DOK7: variants seen among roughly 807,000 people sequenced by gnomAD.
The protein encoded by DOK7 is protein Dok-7.
DOK7 carries 32 observed loss-of-function variants against 30.7 expected under a neutral mutation model. The ratio of observed to expected loss-of-function variants is 1.04; its 90% CI spans 0.79 to 1.40. The LOEUF (loss-of-function observed/expected upper bound fraction) is 1.40. DOK7 is among the 40% of genes most tolerant of loss of function. The pLI, the probability that DOK7 is intolerant of heterozygous loss-of-function variation, is 0.00. For missense variants in DOK7, 1,007 were observed against 699.2 expected (o/e 1.44, Z -4.97); for synonymous variants, 447 against 324.1 (o/e 1.38, Z -4.07).
At position 3,494,312 on chromosome 4, in the gene DOK7, T is replaced by G; in HGVS notation, c.*811T>G. On this transcript the variant is annotated 3_prime_UTR_variant, in exon 7 of 7. Transcript: ENST00000340083. ...AGCCCCTGCGTCGGAGGTGGGGCTGTGTTGGGCCCATTGTCCCCCGCCCTG... is the reference window on the plus strand; with the variant it reads ...AGCCCCTGCGTCGGAGGTGGGGCTGGGTTGGGCCCATTGTCCCCCGCCCTG... The G allele has an allele frequency of 8.1e-6, 8 of 985,772 alleles. No individual in the cohort carries two copies. The highest frequency in any genetic ancestry group is 9.6e-6 in the Non-Finnish European group (8 of 830,206). 61.1% of individuals were successfully genotyped at this position (985,772 alleles called of 1,614,324 possible).
At chr4:3,497,429 G>A (rs963028687), downstream of DOK7, among the ~76,000 whole-genome samples, 1 of 152,066 alleles carries the variant, frequency 6.6e-6, no homozygotes, top group Non-Finnish European at 1.5e-5. Context: ...CAGGGAGGCA[G>A]TGGGAAGGTA....
rs1727752140 is a variant in DOK7, at chr4:3,485,910, C to T, written c.652+252C>T. Among the ~76,000 whole-genome samples the T allele has an allele frequency of 2.6e-5, 4 of 152,194 alleles. No homozygotes were observed. In the South Asian group the frequency reaches 6.2e-4, roughly 24 times the overall value. ...CCCTCGGGGGTCCGAGCTGTTGGAACGCTTGGCCCTAGAGCTTTCTGGCTG... is the reference window on the plus strand; with the variant it reads ...CCCTCGGGGGTCCGAGCTGTTGGAATGCTTGGCCCTAGAGCTTTCTGGCTG... On this transcript the variant is annotated intron_variant, in intron 5 of 6. Transcript: ENST00000340083.
chr4:3,469,186 AGT>A (rs1305209327), intron 2 of DOK7, among the ~76,000 whole-genome samples: 1 of 140,322 alleles, frequency 7.1e-6, no homozygotes, highest in Non-Finnish European at 1.6e-5. Context: ...CGTCTGTGTG[AGT>A]GTGCATGTAT....
At chr4:3,477,712 CG>C (rs1727186096) in intron 4 of DOK7, among the ~76,000 whole-genome samples, 1 of 152,104 alleles carries the variant, frequency 6.6e-6, no homozygotes, top group Non-Finnish European at 1.5e-5. Flanking sequence ...CCCGGAGTCT[CG>C]GCCCCTGGGG....
downstream of DOK7, chr4:3,496,691 C>G: frequency 9.9e-7 from 1 of 1,005,854 alleles, no homozygotes; most frequent in Non-Finnish European, 1.4e-6. Flanking sequence ...GCTGGACTCC[C>G]TGCAGGTGAC....
intron 2 of DOK7, among the ~76,000 whole-genome samples, chr4:3,469,475 C>T (rs2109328033): frequency 6.6e-6 from 1 of 152,204 alleles, no homozygotes; most frequent in African/African-American, 2.4e-5. Flanking sequence ...AGACCCCCAG[C>T]CGGAGGGTGG....
downstream of DOK7, chr4:3,496,756 C>G: frequency 2.0e-6 from 3 of 1,505,286 alleles, no homozygotes; most frequent in Non-Finnish European, 2.7e-6. Context: ...TTCTCGGTGG[C>G]CCCCCGGGCA....
rs1449504158 is a variant in DOK7 at position 3,493,662 on chromosome 4, A to G, written c.*161A>G. 3 of 1,454,724 alleles carry G rather than the reference A, an allele frequency of 2.1e-6. No homozygotes were observed. The African/African-American group carries it at 4.3e-5, about 21-fold the overall frequency. The allele number at this position is 1,454,724 out of a possible 1,614,324, so 90.1% of individuals were successfully genotyped here. ...CTGGAGGGCGCGCCCTGTGGCTGCC[A>G]CCGGAGGAAGGGGCTGACTTGGGGA... On this transcript the variant is annotated 3_prime_UTR_variant, in exon 7 of 7. Transcript: ENST00000340083.
chr4:3,487,656 G>T (rs1727897535), intron 5 of DOK7, among the ~76,000 whole-genome samples: 1 of 152,206 alleles, frequency 6.6e-6, no homozygotes, highest in African/African-American at 2.4e-5. Context: ...ACCCCATTTT[G>T]CAGACGAGGG....
rs118203995 is a variant in DOK7 at position 3,485,607 on chromosome 4, C to T, written c.601C>T (p.Arg201Ter). The stretch of plus-strand genomic sequence containing the variant: ...CAGCTTCCTGTTCGACTGCATCGTC[C>T]GAGGCATCTCCCCCACCAAGGGCCC... ...QISFLFDCIV[R>*]GISPTKGPFG... The change falls in exon 5 of 7, where the codon CGA becomes TGA. Residue 201 changes from arginine (R) to a stop codon, truncating the protein, a stop_gained. Coordinates refer to ENST00000340083, the MANE Select transcript of DOK7 (RefSeq NM_173660.5). LOFTEE classifies it high-confidence loss of function. 3.1e-6 allele frequency: 5 copies of T among 1,607,772 alleles called. No individual in the cohort carries two copies. The highest frequency in any genetic ancestry group is 1.1e-5 in the South Asian group (1 of 90,210).
At chr4:3,473,105 C>A (rs1726854948) in intron 2 of DOK7, among the ~76,000 whole-genome samples, 1 of 152,318 alleles carries the variant, frequency 6.6e-6, no homozygotes, top group East Asian at 1.9e-4. Context: ...GGCTCCAGGG[C>A]CTGGGACAGG....
chr4:3,488,759 A>T (rs1225971983), intron 5 of DOK7, among the ~76,000 whole-genome samples: 1 of 151,608 alleles, frequency 6.6e-6, no homozygotes, highest in Non-Finnish European at 1.5e-5. Context: ...TTGGAGCAGG[A>T]CGGGGTCGGT....
Position 3,492,874 on chromosome 4 carries a change from G to T in DOK7, c.888G>T (p.Gln296His). Residue 296 changes from glutamine (Q) to histidine (H), a missense_variant, in exon 7 of 7, where the codon CAG (glutamine) becomes CAT (histidine). Coordinates refer to ENST00000340083, the MANE Select transcript of DOK7 (RefSeq NM_173660.5). ...EQSSSSASTS[Q>H]EGPRPAAAQA... is the part of the protein sequence containing the mutation. ...CCTCGTCGTCAGCCAGCACGTCACAGGAGGGGCCTAGACCAGCAGCTGCCC... is the reference window on the plus strand; with the variant it reads ...CCTCGTCGTCAGCCAGCACGTCACATGAGGGGCCTAGACCAGCAGCTGCCC... The T allele has an allele frequency of 6.2e-7, 1 of 1,604,590 alleles. No individual in the cohort carries two copies.
downstream of DOK7, among the ~76,000 whole-genome samples, chr4:3,497,195 G>A (rs924956019): frequency 3.3e-5 from 5 of 151,984 alleles, no homozygotes; most frequent in South Asian, 2.1e-4. Flanking sequence ...TGGGGTCCAC[G>A]GGTCCCCAAG....
At chr4:3,474,619 C>T (rs981302984) in intron 3 of DOK7, among the ~76,000 whole-genome samples, 11 of 152,278 alleles carry the variant, frequency 7.2e-5, no homozygotes, top group Admixed American at 3.9e-4. Flanking sequence ...GTCAGGACTT[C>T]GAGACCAGCC....
intron 6 of DOK7, among the ~76,000 whole-genome samples, chr4:3,492,524 C>T (rs6844878): frequency 1.3e-4 from 19 of 151,922 alleles, no homozygotes; most frequent in African/African-American, 2.2e-4. Context: ...GGGCGCAGGC[C>T]GTAGGAGAAC....
intron 1 of DOK7, 31 bp downstream of exon 1, chr4:3,463,460 GGGC>G: frequency 1.4e-6 from 2 of 1,419,744 alleles, no homozygotes; most frequent in Non-Finnish European, 1.8e-6. Context: ...CGGGGGGGGG[GGGC>G]GCGGGCGCGG....
At chr4:3,470,920 G>A (rs555401112) in intron 2 of DOK7, among the ~76,000 whole-genome samples, 2 of 152,342 alleles carry the variant, frequency 1.3e-5, no homozygotes, top group South Asian at 2.1e-4. Flanking sequence ...AGGTGCCGGA[G>A]CTGTCTGCCA....
intron 2 of DOK7, among the ~76,000 whole-genome samples, chr4:3,467,244 C>A (rs958198868): frequency 2.0e-5 from 3 of 149,534 alleles, no homozygotes; most frequent in Non-Finnish European, 1.5e-5. Flanking sequence ...GGCCACCATG[C>A]CTGCTTGCTC....
Sources: allele counts gnomAD v4.1 joint callset (sites outside exome capture counted in the v4.1 genomes callset), GRCh38; gene constraint gnomAD v4.1.1; transcripts MANE v1.5; gene names NCBI Gene and HGNC (gene_info 2026-07-23, HGNC 2026-07-21).